Variants in GALNT5 observed in about 807,000 individuals in gnomAD.
GALNT5 encodes the protein polypeptide N-acetylgalactosaminyltransferase 5.
Under a neutral mutation model 85.4 loss-of-function variants are expected in GALNT5, and 72 were observed. That is an observed-to-expected ratio of 0.84 (90% CI 0.70 to 1.03). GALNT5 has a LOEUF of 1.03. Ranked by LOEUF, GALNT5 falls within the 50% of genes least tolerant of loss-of-function variation. GALNT5 has a pLI of 0.00. For synonymous variants in GALNT5, 404 were observed against 397.0 expected (o/e 1.02, Z -0.21); for missense variants, 1,137 against 1,135.5 (o/e 1.00, Z -0.02).
Position 157,317,174 on chromosome 2 carries a change from G to GTATATA in GALNT5, c.*5846_*5851dup, listed in dbSNP as rs68129611. 9.9e-4 allele frequency among the ~76,000 whole-genome samples: 138 copies of GTATATA among 139,312 alleles called. 1 individual carries two copies. The highest frequency in any genetic ancestry group is 2.5e-3 in the African/African-American group (96 of 37,992). The allele number at this position is 139,312 out of a possible 152,430, so 91.4% of individuals were successfully genotyped here. ...TTTTGTAAATATACTGTATGTGTGT[G>GTATATA]TATATATATATATATATATATATAT... On this transcript the variant is annotated 3_prime_UTR_variant, in exon 10 of 10. Coordinates refer to ENST00000259056, the MANE Select transcript of GALNT5 (RefSeq NM_014568.3).
In GALNT5 at chr2:157,313,075, T is replaced by C. The variant is rs1683611395; in HGVS notation, c.*1727T>C. On this transcript the variant is annotated 3_prime_UTR_variant, in exon 10 of 10. Coordinates refer to ENST00000259056, the MANE Select transcript of GALNT5 (RefSeq NM_014568.3). ...ATGTTTTCTTCATATAATTGAAAAC[T>C]GCAGATGAGTAAGAGAATGACTAGG... 6.6e-6 allele frequency: 1 copy of C among 152,194 alleles called. No homozygotes were observed. The highest frequency in any genetic ancestry group is 2.1e-4 in the South Asian group (1 of 4,830). The allele number at this position is 152,194 out of a possible 1,614,324, so 9.4% of individuals were successfully genotyped here. A position where few individuals can be genotyped will look rare whatever the true frequency, so the allele number is the denominator to read the frequency against.
chr2:157,262,207 T>TAAAAAAAAAAAAAAAAAAAAAAAA (rs535714685), intron 1 of GALNT5, among the ~76,000 whole-genome samples: 4 of 97,840 alleles, frequency 4.1e-5, no homozygotes, highest in Non-Finnish European at 7.1e-5. Flanking sequence ...CCAAAAAATG[T>TAAAAAAAAAAAAAAAAAAAAAAAA]AAAAAAAAAA....
chr2:157,275,667 A>G (rs1558893258), intron 1 of GALNT5, among the ~76,000 whole-genome samples: 1 of 152,208 alleles, frequency 6.6e-6, no homozygotes, highest in Non-Finnish European at 1.5e-5. Context: ...ATTTCTGCAC[A>G]TTGATTTTGT....
Position 157,284,395 on chromosome 2 carries a change from C to G in GALNT5, c.1568C>G (p.Ser523Cys). 6.2e-7 allele frequency: 1 copy of G among 1,613,920 alleles called. No individual in the cohort carries two copies. The highest frequency in any genetic ancestry group is 8.5e-7 in the Non-Finnish European group (1 of 1,179,798). ...LRSVHSVINRSPPHLIKEILL... is the reference protein window; with the variant it reads ...LRSVHSVINRCPPHLIKEILL... Reference sequence around the variant, plus strand: ...TCTGTTCACAGTGTCATCAATCGCTCTCCTCCACACCTCATCAAGGAGATT... The same window carrying G: ...TCTGTTCACAGTGTCATCAATCGCTGTCCTCCACACCTCATCAAGGAGATT... The change falls in exon 2 of 10, where the codon TCT becomes TGT. Residue 523 changes from serine to cysteine, a missense_variant. Transcript: ENST00000259056.
rs1683757080 is a variant in GALNT5, at chr2:157,318,041, TG to T, written c.*6694del. ...TTGACATTGCATTTTACAATCCTAT[TG>T]TTTTTTAGAGTGATGAAAGTTCAAG... On this transcript the variant is annotated 3_prime_UTR_variant, in exon 10 of 10. Coordinates refer to ENST00000259056, the MANE Select transcript of GALNT5 (RefSeq NM_014568.3). Among the ~76,000 whole-genome samples the T allele has an allele frequency of 6.6e-6, 1 of 152,218 alleles. No homozygotes were observed. The highest frequency in any genetic ancestry group is 1.5e-5 in the Non-Finnish European group (1 of 68,030).
rs954652261 is a variant in GALNT5, at chr2:157,313,090, G to A, written c.*1742G>A. On this transcript the variant is annotated 3_prime_UTR_variant, in exon 10 of 10. Transcript: ENST00000259056. The stretch of plus-strand genomic sequence containing the variant: ...AATTGAAAACTGCAGATGAGTAAGA[G>A]AATGACTAGGAAATGAGATACAGTT... 6.6e-6 allele frequency: 1 copy of A among 152,126 alleles called. No individual in the cohort carries two copies. The highest frequency in any genetic ancestry group is 1.9e-4 in the East Asian group (1 of 5,204). The allele number at this position is 152,126 out of a possible 1,614,324, so 9.4% of individuals were successfully genotyped here.
At chr2:157,262,729 G>C (rs1321547360) in intron 1 of GALNT5, among the ~76,000 whole-genome samples, 2 of 149,918 alleles carry the variant, frequency 1.3e-5, no homozygotes, top group Admixed American at 1.3e-4. Flanking sequence ...TCTAAAATCA[G>C]ATTCTCTTTT....
At chr2:157,282,942 T>G (rs1210083263) in intron 1 of GALNT5, among the ~76,000 whole-genome samples, 1 of 152,228 alleles carries the variant, frequency 6.6e-6, no homozygotes, top group Non-Finnish European at 1.5e-5. Flanking sequence ...CAAATGTGAT[T>G]TGCTTTACTA....
chr2:157,309,394 C>T (rs1042965576), intron 9 of GALNT5, among the ~76,000 whole-genome samples: 4 of 152,200 alleles, frequency 2.6e-5, no homozygotes, highest in African/African-American at 9.7e-5. Flanking sequence ...GTTCCATTTA[C>T]CAGAACATTC....
rs892918422 is a variant in GALNT5, at chr2:157,316,952, G to A, written c.*5604G>A. ...CTTCTAATATGCTGTTTCTAATAATGAGTCACCATCAAATAAGTAATAAAT... is the reference window on the plus strand; with the variant it reads ...CTTCTAATATGCTGTTTCTAATAATAAGTCACCATCAAATAAGTAATAAAT... On this transcript the variant is annotated 3_prime_UTR_variant, in exon 10 of 10. Coordinates refer to ENST00000259056, the MANE Select transcript of GALNT5 (RefSeq NM_014568.3). Among the ~76,000 whole-genome samples the A allele has an allele frequency of 6.6e-6, 1 of 151,750 alleles. No homozygotes were observed. The highest frequency in any genetic ancestry group is 1.5e-5 in the Non-Finnish European group (1 of 67,904).
intron 9 of GALNT5, 116 bp from the exon 10 acceptor site, chr2:157,311,092 T>C: frequency 2.5e-6 from 2 of 801,572 alleles, no homozygotes; most frequent in Non-Finnish European, 4.1e-6. Flanking sequence ...TTCAGAAGAA[T>C]TCTTAAAAAT....
chr2:157,277,072 G>A (rs574937323), intron 1 of GALNT5, among the ~76,000 whole-genome samples: 10 of 152,002 alleles, frequency 6.6e-5, no homozygotes, highest in African/African-American at 1.2e-4. Flanking sequence ...CCTTCATTTC[G>A]TTATTTACTC....
chr2:157,285,332 T>C (rs1443126867), intron 2 of GALNT5, among the ~76,000 whole-genome samples: 1 of 152,160 alleles, frequency 6.6e-6, no homozygotes, highest in Non-Finnish European at 1.5e-5. Context: ...AGTCCCTTTA[T>C]GAGGGGCAGG....
intron 1 of GALNT5, among the ~76,000 whole-genome samples, chr2:157,283,556 C>T (rs991397199): frequency 6.6e-6 from 1 of 152,146 alleles, no homozygotes; most frequent in Non-Finnish European, 1.5e-5. Context: ...GCCCCGGATA[C>T]GGAAGCTAAA....
At chr2:157,260,527 C>T (rs377708033) in intron 1 of GALNT5, among the ~76,000 whole-genome samples, 18 of 152,222 alleles carry the variant, frequency 1.2e-4, no homozygotes, top group East Asian at 1.2e-3. Flanking sequence ...ACTCAACAGC[C>T]GTATGTTCAA....
chr2:157,276,192 G>C (rs543983462), intron 1 of GALNT5, among the ~76,000 whole-genome samples: 1 of 152,290 alleles, frequency 6.6e-6, no homozygotes, highest in African/African-American at 2.4e-5. Context: ...TGGTGGATAA[G>C]CTTTTTGATG....
chr2:157,294,392 A>G (rs1683164221), intron 3 of GALNT5, among the ~76,000 whole-genome samples: 1 of 152,176 alleles, frequency 6.6e-6, no homozygotes, highest in Admixed American at 6.5e-5. Flanking sequence ...TGGGATCCAG[A>G]GTAAGAAAGC....
At chr2:157,277,784 G>A (rs562894078) in intron 1 of GALNT5, among the ~76,000 whole-genome samples, 1 of 152,334 alleles carries the variant, frequency 6.6e-6, no homozygotes. Flanking sequence ...CAATTTGCCA[G>A]ACTGTGTCTT....
At position 157,316,486 on chromosome 2, in the gene GALNT5, T is replaced by TG. The variant is rs1683707111; in HGVS notation, c.*5140dup. Among the ~76,000 whole-genome samples the TG allele has an allele frequency of 6.6e-6, 1 of 152,192 alleles. No individual in the cohort carries two copies. Among genetic ancestry groups the TG allele is most frequent in the Non-Finnish European group, 1.5e-5 (1 of 68,028 alleles). On this transcript the variant is annotated 3_prime_UTR_variant, in exon 10 of 10. Transcript: ENST00000259056. ...GAACAGAAATAAAAAGTTAAAAAGT[T>TG]GGAGTCCTTTAAAACACAAACCATG... is the stretch of plus-strand genomic sequence containing the variant.
Sources: gnomAD v4.1 joint callset for allele counts (sites outside exome capture counted in the v4.1 genomes callset) on GRCh38, gnomAD v4.1.1 for gene constraint, MANE v1.5 for transcripts, NCBI Gene and HGNC (gene_info 2026-07-23, HGNC 2026-07-21) for gene names.